SLC2A13: variants seen among roughly 807,000 people sequenced by gnomAD.
SLC2A13 encodes the protein solute carrier family 2 member 13, also known as proton myo-inositol cotransporter.
SLC2A13 carries 32 observed loss-of-function variants against 64.4 expected under a neutral mutation model. The observed-to-expected ratio is 0.50, with a 90% CI of 0.37 to 0.67. The LOEUF is 0.67. Ranked by LOEUF, SLC2A13 falls within the 30% of genes least tolerant of loss-of-function variation. SLC2A13 has a pLI of 0.00. For missense variants in SLC2A13, 743 were observed against 829.2 expected, an observed-to-expected ratio of 0.90 and a Z score of 1.28; for synonymous variants, 338 against 327.1, an observed-to-expected ratio of 1.03 and a Z score of -0.36.
At chr12:39,761,223 C>T (rs1359636359) in intron 9 of SLC2A13, among the ~76,000 whole-genome samples, 1 of 150,096 alleles carries the variant, frequency 6.7e-6, no homozygotes, top group Admixed American at 6.7e-5. Context: ...AACCTCTTCT[C>T]TGGGCCTCTG....
intron 1 of SLC2A13, among the ~76,000 whole-genome samples, chr12:40,053,281 C>CAAAAAAA (rs35810974): frequency 1.4e-5 from 1 of 69,098 alleles, no homozygotes; most frequent in Non-Finnish European, 3.0e-5. Flanking sequence ...GACTCCATCT[C>CAAAAAAA]AAAAAAAAAA....
At chr12:40,089,412 A>G (rs1449482402) in intron 1 of SLC2A13, among the ~76,000 whole-genome samples, 1 of 152,366 alleles carries the variant, frequency 6.6e-6, no homozygotes, top group Non-Finnish European at 1.5e-5. Context: ...GTAATTTGCA[A>G]TCTTGAGGAT....
chr12:39,843,295 G>T (rs1200361331), intron 6 of SLC2A13, among the ~76,000 whole-genome samples: 3 of 152,014 alleles, frequency 2.0e-5, no homozygotes, highest in African/African-American at 7.2e-5. Context: ...GCTAGAAATT[G>T]TTAATTGAAG....
intron 3 of SLC2A13, among the ~76,000 whole-genome samples, chr12:39,969,603 G>C (rs1406159116): frequency 6.6e-6 from 1 of 152,210 alleles, no homozygotes; most frequent in African/African-American, 2.4e-5. Flanking sequence ...GTCTTCTTTT[G>C]AGAAGTGTCT....
intron 3 of SLC2A13, among the ~76,000 whole-genome samples, chr12:40,017,850 G>A (rs925942136): frequency 2.0e-5 from 3 of 151,950 alleles, no homozygotes; most frequent in Non-Finnish European, 4.4e-5. Flanking sequence ...TTCTTTAGAG[G>A]TTCCTCTGTG....
chr12:40,100,572 C>G (rs552594407), intron 1 of SLC2A13, among the ~76,000 whole-genome samples: 2 of 152,266 alleles, frequency 1.3e-5, no homozygotes, highest in Non-Finnish European at 2.9e-5. Context: ...TTCTTCAATC[C>G]TGTTGTAACT....
At chr12:39,771,828 C>T (rs543912634) in intron 7 of SLC2A13, among the ~76,000 whole-genome samples, 1 of 152,234 alleles carries the variant, frequency 6.6e-6, no homozygotes, top group South Asian at 2.1e-4. Flanking sequence ...TGGCTGCAGC[C>T]TACCTTATCT....
intron 1 of SLC2A13, among the ~76,000 whole-genome samples, chr12:40,065,625 T>G (rs1937691198): frequency 6.6e-6 from 1 of 152,020 alleles, no homozygotes; most frequent in Non-Finnish European, 1.5e-5. Flanking sequence ...CATCTAAGAC[T>G]CTACAAATGT....
chr12:39,929,552 A>G (rs117068956), intron 4 of SLC2A13, among the ~76,000 whole-genome samples: 5,123 of 149,652 alleles, frequency 0.034, 130 homozygotes, highest in Middle Eastern at 0.092. Context: ...GTCCATCTCA[A>G]AAAAAAAAAG....
chr12:40,072,544 T>C (rs1414137593), intron 1 of SLC2A13, among the ~76,000 whole-genome samples: 1 of 152,100 alleles, frequency 6.6e-6, no homozygotes, highest in Non-Finnish European at 1.5e-5. Flanking sequence ...TCTACCAGTA[T>C]TTGCATTGAG....
In SLC2A13 at chr12:40,016,947, G is replaced by A. The variant is rs551581179; in HGVS notation, c.925+11354C>T. ...AACTGTTTTGCTAAAAGTCCACAACGAGTTTCTAAACATATACATCTGCCT... is the reference window on the plus strand; with the variant it reads ...AACTGTTTTGCTAAAAGTCCACAACAAGTTTCTAAACATATACATCTGCCT... On this transcript the variant is annotated intron_variant, in intron 3 of 9. Transcript: ENST00000280871. 5.3e-5 allele frequency among the ~76,000 whole-genome samples: 8 copies of A among 152,230 alleles called. No homozygotes were observed. The South Asian group carries it at 1.5e-3, about 28-fold the overall frequency.
chr12:39,875,400 C>T (rs1944157575), intron 4 of SLC2A13, among the ~76,000 whole-genome samples: 1 of 152,186 alleles, frequency 6.6e-6, no homozygotes, highest in South Asian at 2.1e-4. Context: ...TGGCTCCACT[C>T]AGAAAATCCA....
intron 1 of SLC2A13, among the ~76,000 whole-genome samples, chr12:40,079,673 G>A (rs576089822): frequency 7.2e-5 from 11 of 152,180 alleles, no homozygotes; most frequent in South Asian, 4.1e-4. Flanking sequence ...TTCCTGCCTC[G>A]ATGATCTAAC....
chr12:39,936,641 G>T (rs1945922810), intron 4 of SLC2A13, among the ~76,000 whole-genome samples: 1 of 152,184 alleles, frequency 6.6e-6, no homozygotes, highest in Admixed American at 6.5e-5. Flanking sequence ...GAAGATCATA[G>T]GAAGGATACA....
At chr12:39,811,452 G>T (rs908210199) in intron 7 of SLC2A13, among the ~76,000 whole-genome samples, 1 of 151,970 alleles carries the variant, frequency 6.6e-6, no homozygotes, top group African/African-American at 2.4e-5. Flanking sequence ...TAAAGTATAA[G>T]TTTGCTGTTA....
At chr12:39,994,675 A>G (rs980650147) in intron 3 of SLC2A13, among the ~76,000 whole-genome samples, 2 of 152,200 alleles carry the variant, frequency 1.3e-5, no homozygotes, top group African/African-American at 4.8e-5. Flanking sequence ...GGGCGTAATA[A>G]ACAGAAAAAG....
intron 7 of SLC2A13, among the ~76,000 whole-genome samples, chr12:39,821,399 G>A (rs1337133341): frequency 6.6e-6 from 1 of 151,648 alleles, no homozygotes; most frequent in Non-Finnish European, 1.5e-5. Flanking sequence ...AACAGAGCAA[G>A]ACTCCGTCTC....
At chr12:40,011,087 C>T (rs1159562373) in intron 3 of SLC2A13, among the ~76,000 whole-genome samples, 4 of 152,170 alleles carry the variant, frequency 2.6e-5, no homozygotes, top group Non-Finnish European at 5.9e-5. Flanking sequence ...CAGGCTACAG[C>T]CAGAGGCTCA....
intron 7 of SLC2A13, among the ~76,000 whole-genome samples, chr12:39,780,941 T>G: frequency 6.6e-6 from 1 of 152,220 alleles, no homozygotes; most frequent in East Asian, 1.9e-4. Flanking sequence ...CATTAGTTAC[T>G]GACATATAAG....
Sources: allele counts gnomAD v4.1 joint callset (sites outside exome capture counted in the v4.1 genomes callset), GRCh38; gene constraint gnomAD v4.1.1; transcripts MANE v1.5; gene names NCBI Gene and HGNC (gene_info 2026-07-23, HGNC 2026-07-21).